ZNF534: variants seen among roughly 807,000 people sequenced by gnomAD.
The protein encoded by ZNF534 is zinc finger protein 534.
Under a neutral mutation model 13.6 loss-of-function variants are expected in ZNF534, and 19 were observed. The observed-to-expected ratio is 1.40, with a 90% confidence interval of 0.97 to 2.05. The LOEUF (loss-of-function observed/expected upper bound fraction) is 2.05, where lower values mean the gene tolerates loss of function less well. Ranked by LOEUF, ZNF534 falls within the 30% of genes most tolerant of loss-of-function variation. The probability of loss-of-function intolerance (pLI) is 0.00; values close to 1 mark genes in which losing one functional copy is unlikely to be tolerated. For missense variants in ZNF534, 782 were observed against 796.3 expected (o/e 0.98, Z 0.22); for synonymous variants, 244 against 273.8 (o/e 0.89, Z 1.07).
rs184482155 is a variant in ZNF534, at chr19:52,435,265, G to C, written c.271+56G>C. The C allele has an allele frequency of 9.8e-6, 15 of 1,526,086 alleles. No homozygotes were observed. In the Admixed American group the frequency reaches 2.1e-4, roughly 21 times the overall value. The allele number at this position is 1,526,086 out of a possible 1,614,324, so 94.5% of individuals were successfully genotyped here. ...CCATAATTTTTGTATTTTGAGAAGG[G>C]TCTCACTCTGTCATCCAGGCTGGAG... On this transcript the variant is annotated intron_variant, in intron 4 of 4. Coordinates refer to ENST00000433050, the MANE Select transcript of ZNF534 (RefSeq NM_001143938.3).
In ZNF534 at chr19:52,439,361, A is replaced by C. The variant is rs1360489747; in HGVS notation, c.1901A>C (p.Tyr634Ser). 1.9e-6 allele frequency: 3 copies of C among 1,552,606 alleles called. No homozygotes were observed. Reference sequence around the variant, plus strand: ...AATATTCATACTGGAGTGAAGCCTTACAGTTGTAATGAATGTGGCAAGGTC... The same window carrying C: ...AATATTCATACTGGAGTGAAGCCTTCCAGTTGTAATGAATGTGGCAAGGTC... ...HRNIHTGVKPYSCNECGKVFS... is the reference protein window; with the variant it reads ...HRNIHTGVKPSSCNECGKVFS... The change falls in exon 5 of 5, where the codon TAC (tyrosine) becomes TCC (serine). Residue 634 changes from tyrosine (Y) to serine (S), a missense_variant. By Grantham distance (144) the Tyr-to-Ser change is moderately radical (BLOSUM62 -2). Transcript: ENST00000433050.
At chr19:52,449,453 A>G (rs1047162934) in intron 4 of ZNF534, among the ~76,000 whole-genome samples, 2 of 151,764 alleles carry the variant, frequency 1.3e-5, no homozygotes, top group African/African-American at 2.4e-5. Flanking sequence ...CATCCATACT[A>G]TTTTCCATAA....
intron 4 of ZNF534, among the ~76,000 whole-genome samples, chr19:52,447,603 G>C: frequency 6.6e-6 from 1 of 151,510 alleles, no homozygotes; most frequent in East Asian, 1.9e-4. Context: ...ATTTTGTTGT[G>C]TTTTTTTCTG....
At chr19:52,437,268 T>C (rs969156819) in intron 4 of ZNF534, among the ~76,000 whole-genome samples, 2 of 152,166 alleles carry the variant, frequency 1.3e-5, no homozygotes, top group South Asian at 4.1e-4. Context: ...TTCCAGATTC[T>C]TCAGTAAATC....
At chr19:52,435,399 G>T (rs548166919) in intron 4 of ZNF534, among the ~76,000 whole-genome samples, 190 bp downstream of exon 4, 54 of 152,280 alleles carry the variant, frequency 3.5e-4, no homozygotes, top group African/African-American at 1.1e-3. Flanking sequence ...ACTATACTCT[G>T]CAGAGCCACA....
In ZNF534 at chr19:52,439,201, A is replaced by G; in HGVS notation, c.1741A>G (p.Asn581Asp). ...IHTGEKPHSC[N>D]ECGKVFSRNS... is the part of the protein sequence containing the mutation. Reference sequence around the variant, plus strand: ...TACTGGAGAGAAGCCTCACAGTTGTAATGAATGTGGCAAGGTCTTCAGTCG... The same window carrying G: ...TACTGGAGAGAAGCCTCACAGTTGTGATGAATGTGGCAAGGTCTTCAGTCG... Residue 581 changes from asparagine to aspartate, a missense_variant, in exon 5 of 5, where the codon AAT becomes GAT. By Grantham distance (23) the Asn-to-Asp change is conservative (BLOSUM62 1). This residue lies in a region of ZNF534 where 20 missense variants were observed against 43.6 expected (regional missense o/e 0.46). Coordinates refer to ENST00000433050, the MANE Select transcript of ZNF534 (RefSeq NM_001143938.3). 6.5e-7 allele frequency: 1 copy of G among 1,537,850 alleles called. No individual in the cohort carries two copies. The highest frequency in any genetic ancestry group is 1.3e-5 in the South Asian group (1 of 79,738).
chr19:52,439,319 G>A lies in ZNF534; in HGVS notation c.1859G>A (p.Arg620His), dbSNP rs769350629. ...AGCAAGGTCTTCAGTCGGAATTCAC[G>A]CCTTGCACAACATAGGAATATTCAT... ...ECSKVFSRNS[R>H]LAQHRNIHTG... is the part of the protein sequence containing the mutation. Residue 620 changes from arginine to histidine, a missense_variant, in exon 5 of 5, where the codon CGC (arginine) becomes CAC (histidine). By Grantham distance (29) the Arg-to-His change is conservative (BLOSUM62 0). Transcript: ENST00000433050. The A allele has an allele frequency of 3.1e-5, 48 of 1,549,554 alleles. No individual in the cohort carries two copies. Among genetic ancestry groups the A allele is most frequent in the Non-Finnish European group, 3.7e-5 (43 of 1,147,358 alleles).
chr19:52,434,025 A>G lies in ZNF534; in HGVS notation c.86A>G (p.Gln29Arg), dbSNP rs1214185896. 6.2e-7 allele frequency: 1 copy of G among 1,614,192 alleles called. No individual in the cohort carries two copies. The highest frequency in any genetic ancestry group is 8.5e-7 in the Non-Finnish European group (1 of 1,180,040). Reference protein sequence around the residue: ...QEEWKCLDPGQKALYRDVMLE... With the variant: ...QEEWKCLDPGRKALYRDVMLE... ...GAGTGGAAATGCCTGGACCCTGGGCAGAAAGCTTTATACAGGGACGTGATG... is the reference window on the plus strand; with the variant it reads ...GAGTGGAAATGCCTGGACCCTGGGCGGAAAGCTTTATACAGGGACGTGATG... Residue 29 changes from glutamine to arginine, a missense_variant, in exon 3 of 5, where the codon CAG (glutamine) becomes CGG (arginine). Physicochemically the swap from Gln to Arg is conservative, Grantham distance 43. Around this residue, in one of 5 missense-constraint regions of ZNF534, gnomAD observed 81 missense variants for 63.5 expected, o/e 1.28. Coordinates refer to ENST00000433050, the MANE Select transcript of ZNF534 (RefSeq NM_001143938.3).
intron 1 of ZNF534, among the ~76,000 whole-genome samples, chr19:52,430,509 C>T (rs1056059847): frequency 6.6e-6 from 1 of 151,908 alleles, no homozygotes; most frequent in Non-Finnish European, 1.5e-5. Flanking sequence ...GGCTGAGGGG[C>T]CTGTGCTCTG....
chr19:52,436,249 T>A (rs1396003357), intron 4 of ZNF534, among the ~76,000 whole-genome samples: 1 of 152,124 alleles, frequency 6.6e-6, no homozygotes, highest in Non-Finnish European at 1.5e-5. Context: ...TTATTTTTCT[T>A]TAAGCACTTT....
At chr19:52,450,670 GTT>G (rs796423133) in intron 4 of ZNF534, among the ~76,000 whole-genome samples, 2,249 of 37,782 alleles carry the variant, frequency 0.06, 99 homozygotes, top group African/African-American at 0.18. Context: ...AATTTTAGGA[GTT>G]TTTTTTTTTT....
At position 52,438,454 on chromosome 19, in the gene ZNF534, G is replaced by A. The variant is rs2059145006; in HGVS notation, c.994G>A (p.Gly332Ser). 4 of 1,608,432 alleles carry A rather than the reference G, an allele frequency of 2.5e-6. No homozygotes were observed. Among genetic ancestry groups the A allele is most frequent in the Non-Finnish European group, 3.4e-6 (4 of 1,177,030 alleles). Residue 332 changes from glycine to serine, a missense_variant, in exon 5 of 5, where the codon GGC (glycine) becomes AGC (serine). This residue lies in a region of ZNF534 where 591 missense variants were observed against 574.0 expected (regional missense o/e 1.03). Coordinates refer to ENST00000433050, the MANE Select transcript of ZNF534 (RefSeq NM_001143938.3). ...GEKPYDCKEC[G>S]KVFRHKSSLT... ...GAAACCTTATGATTGTAAGGAATGT[G>A]GCAAGGTCTTCAGGCATAAGTCTTC...
Position 52,433,802 on chromosome 19 carries a change from A to G in ZNF534, c.16-153A>G, listed in dbSNP as rs780082548. ...TTATGGAAAAGTATAATAAAACACA[A>G]TCACAGACACATAACTAGCTCAAGA... On this transcript the variant is annotated intron_variant, in intron 2 of 4. Coordinates refer to ENST00000433050, the MANE Select transcript of ZNF534 (RefSeq NM_001143938.3). 419 of 823,450 alleles carry G rather than the reference A, an allele frequency of 5.1e-4. 1 individual carries two copies. Among genetic ancestry groups the G allele is most frequent in the Non-Finnish European group, 4.0e-4 (194 of 489,440 alleles). The allele number at this position is 823,450 out of a possible 1,614,324, so 51.0% of individuals were successfully genotyped here.
chr19:52,431,810 G>C (rs376094169), intron 2 of ZNF534, among the ~76,000 whole-genome samples: 15 of 151,778 alleles, frequency 9.9e-5, no homozygotes, highest in African/African-American at 3.6e-4. Context: ...TGGATGCACT[G>C]TGAGTGTTCT....
At chr19:52,434,270 T>C in intron 3 of ZNF534, 189 bp downstream of exon 3, 1 of 718,212 alleles carries the variant, frequency 1.4e-6, no homozygotes, top group Non-Finnish European at 2.2e-6. Context: ...CCGAGGCAAA[T>C]GGTTCACGAG....
Position 52,441,519 on chromosome 19 carries a change from T to G in ZNF534, c.*2073T>G, listed in dbSNP as rs140949369. Among the ~76,000 whole-genome samples, 13 of 152,084 alleles carry G rather than the reference T, an allele frequency of 8.5e-5. No individual in the cohort carries two copies. The highest frequency in any genetic ancestry group is 3.1e-4 in the African/African-American group (13 of 41,428). On this transcript the variant is annotated 3_prime_UTR_variant, in exon 5 of 5. Coordinates refer to ENST00000433050, the MANE Select transcript of ZNF534 (RefSeq NM_001143938.3). ...GACAGAGTGAGACCCTATCTACAAA[T>G]ATAAACAAACAATGTGAAACGTCTT...
At position 52,438,594 on chromosome 19, in the gene ZNF534, A is replaced by T. The variant is rs1366259; in HGVS notation, c.1134A>T (p.Gly378=). 0.94 allele frequency: 1,500,001 copies of T among 1,588,522 alleles called. 711,329 individuals are homozygous for T. Among genetic ancestry groups the T allele is most frequent in the Non-Finnish European group, 0.97 (1,129,256 of 1,166,504 alleles). ...CAAGGCATCGGAAAGTTCATACTGG[A>T]GAGAAACCTTACAAATGTAATGAGT... is the stretch of plus-strand genomic sequence containing the variant. ...FLARHRKVHT[G]EKPYKCNECG... Residue 378 remains glycine (G), a synonymous_variant, in exon 5 of 5, where the codon GGA becomes GGT. Transcript: ENST00000433050.
At chr19:52,432,549 A>G (rs1040084449) in intron 2 of ZNF534, among the ~76,000 whole-genome samples, 2 of 152,218 alleles carry the variant, frequency 1.3e-5, no homozygotes, top group African/African-American at 4.8e-5. Context: ...AATAGTGCCT[A>G]TCACATGGGA....
chr19:52,433,914 T>C, intron 2 of ZNF534, 41 bp from the exon 3 acceptor site: 2 of 1,612,004 alleles, frequency 1.2e-6, no homozygotes, highest in Non-Finnish European at 1.7e-6. Flanking sequence ...AGATAAGTAC[T>C]CTCTCCATAC....
Sources: gnomAD v4.1 joint callset for allele counts (sites outside exome capture counted in the v4.1 genomes callset) on GRCh38, gnomAD v4.1.1 for gene constraint, gnomAD v4.1.1 regional missense constraint, MANE v1.5 for transcripts, NCBI Gene and HGNC (gene_info 2026-07-23, HGNC 2026-07-21) for gene names.